Variants in CIPC observed in about 807,000 individuals in gnomAD.
CIPC encodes CLOCK interacting pacemaker.
Under a neutral mutation model 26.7 loss-of-function variants are expected in CIPC, and 12 were observed. The observed-to-expected ratio is 0.45, with a 90% CI of 0.29 to 0.73. The LOEUF is 0.73. CIPC is among the 30% of genes least tolerant of loss of function. The pLI is 0.12. For synonymous variants in CIPC, 170 were observed against 189.8 expected, an observed-to-expected ratio of 0.90 and a Z score of 0.86; for missense variants, 417 against 486.5, an observed-to-expected ratio of 0.86 and a Z score of 1.34.
intron 1 of CIPC, among the ~76,000 whole-genome samples, chr14:77,103,528 T>G (rs1886533360): frequency 6.6e-6 from 1 of 152,250 alleles, no homozygotes; most frequent in Non-Finnish European, 1.5e-5. Flanking sequence ...CCTGTTCTCC[T>G]TATGCCAGTG....
At position 77,105,724 on chromosome 14, in the gene CIPC, C is replaced by T; in HGVS notation, c.16C>T (p.Pro6Ser). 6.2e-7 allele frequency: 1 copy of T among 1,613,776 alleles called. No individual in the cohort carries two copies. Among genetic ancestry groups the T allele is most frequent in the Non-Finnish European group, 8.5e-7 (1 of 1,179,844 alleles). The change falls in exon 2 of 4, where the codon CCA becomes TCA. Residue 6 changes from proline (P) to serine (S), a missense_variant. Pro to Ser is a moderately conservative substitution (Grantham distance 74, BLOSUM62 -1). Coordinates refer to ENST00000361786, the MANE Select transcript of CIPC (RefSeq NM_033426.3). MERKNPSRESPRRLSA... is the reference protein window; with the variant it reads MERKNSSRESPRRLSA... ...TGAATAAACCATGGAGAGGAAAAAC[C>T]CATCCAGAGAGAGCCCCAGAAGACT...
chr14:77,108,024 A>G (rs1465108148), intron 2 of CIPC, among the ~76,000 whole-genome samples: 1 of 151,886 alleles, frequency 6.6e-6, no homozygotes, highest in Non-Finnish European at 1.5e-5. Context: ...GACATCTTTG[A>G]ATGAGTCAGG....
rs1263727587 is a variant in CIPC at position 77,113,937 on chromosome 14, C to T, written c.819C>T (p.Leu273=). ...ASPVCASDST[L]HGLESNSPLS... ...CTGTCTGCGCATCAGACAGCACTCT[C>T]CATGGGTTAGAGAGCAACTCTCCCC... The change falls in exon 4 of 4, where the codon CTC becomes CTT. Residue 273 remains leucine, a synonymous_variant. Coordinates refer to ENST00000361786, the MANE Select transcript of CIPC (RefSeq NM_033426.3). 5 of 1,614,240 alleles carry T rather than the reference C, an allele frequency of 3.1e-6. No homozygotes were observed. Among genetic ancestry groups the T allele is most frequent in the Non-Finnish European group, 4.2e-6 (5 of 1,180,052 alleles).
intron 2 of CIPC, among the ~76,000 whole-genome samples, 167 bp from the exon 3 acceptor site, chr14:77,109,645 T>C (rs1886654488): frequency 6.6e-6 from 1 of 152,200 alleles, no homozygotes; most frequent in Non-Finnish European, 1.5e-5. Context: ...TAATTATAGA[T>C]CCCATTGAAA....
At chr14:77,106,002 G>A (rs1886584652) in intron 2 of CIPC, 158 bp downstream of exon 2, 2 of 743,144 alleles carry the variant, frequency 2.7e-6, no homozygotes, top group Admixed American at 3.5e-5. Flanking sequence ...CATATGTCAG[G>A]GTACCCATCA....
At chr14:77,110,985 T>C (rs1323666731) in intron 3 of CIPC, among the ~76,000 whole-genome samples, 1 of 152,226 alleles carries the variant, frequency 6.6e-6, no homozygotes, top group Non-Finnish European at 1.5e-5. Context: ...GAAAAGGAAT[T>C]TGAAGATTTT....
In CIPC at chr14:77,116,235, AGC is replaced by A. The variant is rs1886811315; in HGVS notation, c.*1918_*1919del. 6.6e-6 allele frequency: 1 copy of A among 152,222 alleles called. No homozygotes were observed. The highest frequency in any genetic ancestry group is 1.5e-5 in the Non-Finnish European group (1 of 68,044). The allele number at this position is 152,222 out of a possible 1,614,324, so 9.4% of individuals were successfully genotyped here. The stretch of plus-strand genomic sequence containing the variant: ...TTTCTGAAAGAATTTCAGAAATCAG[AGC>A]AAATGTGTCTTTAGGCAGATTCAGC... On this transcript the variant is annotated 3_prime_UTR_variant, in exon 4 of 4. Transcript: ENST00000361786.
Position 77,114,201 on chromosome 14 carries a change from A to G in CIPC, c.1083A>G (p.Ile361Met), listed in dbSNP as rs200614252. The G allele has an allele frequency of 1.1e-5, 18 of 1,614,096 alleles. No individual in the cohort carries two copies. The highest frequency in any genetic ancestry group is 1.3e-5 in the Non-Finnish European group (15 of 1,180,050). The change falls in exon 4 of 4, where the codon ATA (isoleucine) becomes ATG (methionine). Residue 361 changes from isoleucine (I) to methionine (M), a missense_variant. By Grantham distance (10) the Ile-to-Met change is conservative. Transcript: ENST00000361786. ...DQLKEQTQLFIEATKSRAPQA... is the reference protein window; with the variant it reads ...DQLKEQTQLFMEATKSRAPQA... The stretch of plus-strand genomic sequence containing the variant: ...TAAAGGAGCAAACCCAGCTGTTTAT[A>G]GAAGCCACCAAGAGCAGGGCCCCTC...
intron 3 of CIPC, among the ~76,000 whole-genome samples, chr14:77,110,783 A>G (rs1392204853): frequency 1.3e-5 from 2 of 152,234 alleles, no homozygotes; most frequent in African/African-American, 2.4e-5. Flanking sequence ...CAGTTTTCAT[A>G]TGGGTCCATT....
intron 3 of CIPC, among the ~76,000 whole-genome samples, chr14:77,110,579 A>T (rs947491133): frequency 6.6e-6 from 1 of 152,190 alleles, no homozygotes; most frequent in Non-Finnish European, 1.5e-5. Flanking sequence ...TTACATAACT[A>T]TGTTTATTAT....
Position 77,113,919 on chromosome 14 carries a change from C to T in CIPC, c.801C>T (p.Cys267=), listed in dbSNP as rs904423530. The T allele has an allele frequency of 5.0e-6, 8 of 1,614,044 alleles. No homozygotes were observed. The highest frequency in any genetic ancestry group is 2.7e-5 in the African/African-American group (2 of 74,924). ...TCGCTTCCCCCGCCAGTCCTGTCTGCGCATCAGACAGCACTCTCCATGGGT... is the reference window on the plus strand; with the variant it reads ...TCGCTTCCCCCGCCAGTCCTGTCTGTGCATCAGACAGCACTCTCCATGGGT... ...LTFASPASPV[C]ASDSTLHGLE... is the part of the protein sequence containing the mutation. The change falls in exon 4 of 4, where the codon TGC becomes TGT. Residue 267 remains cysteine (C), a synonymous_variant. Coordinates refer to ENST00000361786, the MANE Select transcript of CIPC (RefSeq NM_033426.3).
Position 77,113,429 on chromosome 14 carries a change from G to A in CIPC, c.311G>A (p.Ser104Asn), listed in dbSNP as rs140369760. ...GCTCTCCTCCTTTGTCTTCAGGGCA[G>A]CAGCTCATCCCAGCTCCAGTCGTGG... The part of the protein sequence containing the change: ...VMKNVLVKQG[S>N]SSSQLQSWTV... The change falls in exon 4 of 4, where the codon AGC (serine) becomes AAC (asparagine). Residue 104 changes from serine to asparagine, a missense_variant. By Grantham distance (46) the Ser-to-Asn change is conservative. Coordinates refer to ENST00000361786, the MANE Select transcript of CIPC (RefSeq NM_033426.3). The A allele has an allele frequency of 1.9e-6, 3 of 1,614,032 alleles. No homozygotes were observed. Among genetic ancestry groups the A allele is most frequent in the Middle Eastern group, 1.7e-4 (1 of 6,060 alleles).
At chr14:77,099,480 T>C (rs1886433772) in intron 1 of CIPC, among the ~76,000 whole-genome samples, 1 of 152,218 alleles carries the variant, frequency 6.6e-6, no homozygotes, top group African/African-American at 2.4e-5. Context: ...TCCCTGAATA[T>C]GCAGGCCAAA....
chr14:77,108,493 A>T (rs1417974533), intron 2 of CIPC, among the ~76,000 whole-genome samples: 2 of 152,092 alleles, frequency 1.3e-5, no homozygotes, highest in Non-Finnish European at 2.9e-5. Context: ...GGAATTCGAG[A>T]CCAGCCTGAC....
chr14:77,102,396 C>G (rs1886508454), intron 1 of CIPC, among the ~76,000 whole-genome samples: 1 of 152,172 alleles, frequency 6.6e-6, no homozygotes, highest in Non-Finnish European at 1.5e-5. Context: ...CAACAAAGTG[C>G]TCATTATGCT....
intron 1 of CIPC, among the ~76,000 whole-genome samples, chr14:77,101,951 T>C (rs1886495607): frequency 6.6e-6 from 1 of 151,982 alleles, no homozygotes; most frequent in Non-Finnish European, 1.5e-5. Flanking sequence ...CTGGGTGTGG[T>C]GGTATGCGCC....
At chr14:77,110,234 CAT>C (rs1034885669) in intron 3 of CIPC, among the ~76,000 whole-genome samples, 7 of 151,946 alleles carry the variant, frequency 4.6e-5, no homozygotes, top group African/African-American at 1.7e-4. Context: ...TTTCTGTATT[CAT>C]AGTTTGTCCA....
chr14:77,113,640 T>A lies in CIPC; in HGVS notation c.522T>A (p.Leu174=). 1.2e-6 allele frequency: 2 copies of A among 1,614,176 alleles called. No homozygotes were observed. The highest frequency in any genetic ancestry group is 1.7e-6 in the Non-Finnish European group (2 of 1,180,022). The change falls in exon 4 of 4, where the codon CTT becomes CTA. Residue 174 remains leucine, a synonymous_variant. Coordinates refer to ENST00000361786, the MANE Select transcript of CIPC (RefSeq NM_033426.3). ...APHPGKRGLS[L]GPEEKGTSGV... is the part of the protein sequence containing the mutation. ...ATCCAGGCAAAAGGGGCCTTTCCCT[T>A]GGCCCAGAAGAAAAAGGAACAAGTG...
Position 77,113,915 on chromosome 14 carries a change from T to A in CIPC, c.797T>A (p.Val266Asp). ...SLTFASPASP[V>D]CASDSTLHGL... ...ACCTTCGCTTCCCCCGCCAGTCCTGTCTGCGCATCAGACAGCACTCTCCAT... is the reference window on the plus strand; with the variant it reads ...ACCTTCGCTTCCCCCGCCAGTCCTGACTGCGCATCAGACAGCACTCTCCAT... Residue 266 changes from valine to aspartate, a missense_variant, in exon 4 of 4, where the codon GTC becomes GAC. By Grantham distance (152) the Val-to-Asp change is radical. Coordinates refer to ENST00000361786, the MANE Select transcript of CIPC (RefSeq NM_033426.3). The A allele has an allele frequency of 1.9e-6, 3 of 1,614,148 alleles. No homozygotes were observed. The highest frequency in any genetic ancestry group is 2.5e-6 in the Non-Finnish European group (3 of 1,180,032).
Sources: allele counts gnomAD v4.1 joint callset (sites outside exome capture counted in the v4.1 genomes callset), GRCh38; gene constraint gnomAD v4.1.1; transcripts MANE v1.5; gene names NCBI Gene and HGNC (gene_info 2026-07-23, HGNC 2026-07-21).